SMOC2: variants seen among roughly 807,000 people sequenced by gnomAD.
The protein encoded by SMOC2 is SPARC related modular calcium binding 2, also known as SPARC-related modular calcium-binding protein 2.
A neutral mutation model predicts 61.4 loss-of-function variants in SMOC2; 39 were observed. The observed-to-expected ratio is 0.64, with a 90% CI of 0.49 to 0.83. The LOEUF (loss-of-function observed/expected upper bound fraction) is 0.83, where lower values mean the gene tolerates loss of function less well. Among genes scored for constraint, SMOC2 ranks in the 40% least tolerant of loss-of-function variants. SMOC2 has a pLI of 0.00. For synonymous variants in SMOC2, 247 were observed against 239.9 expected (o/e 1.03, Z -0.27); for missense variants, 556 against 592.9 (o/e 0.94, Z 0.65).
Position 168,510,074 on chromosome 6 carries a change from G to A in SMOC2, c.244G>A (p.Gly82Arg), listed in dbSNP as rs1442962433. The A allele has an allele frequency of 1.9e-6, 3 of 1,614,006 alleles. No homozygotes were observed. Among genetic ancestry groups the A allele is most frequent in the Non-Finnish European group, 2.5e-6 (3 of 1,179,900 alleles). The change falls in exon 2 of 13, where the codon GGA (glycine) becomes AGA (arginine). Residue 82 changes from glycine to arginine, a missense_variant. Physicochemically the swap from Gly to Arg is moderately radical, Grantham distance 125. Transcript: ENST00000356284. ...TCCCCAGCTAGAGATTGCATATCGA[G>A]GAAACTGCAAAGGTAAGCTGCTGTT... ...KDPQLEIAYR[G>R]NCKDVSRCVA...
Position 168,605,450 on chromosome 6 carries a change from T to G in SMOC2, c.825-2707T>G, listed in dbSNP as rs1178388238. On this transcript the variant is annotated intron_variant, in intron 8 of 12. Coordinates refer to ENST00000356284, the MANE Select transcript of SMOC2 (RefSeq NM_001166412.2). Reference sequence around the variant, plus strand: ...ACCTATTGAAAAGAATGGTGATGGATGACAAAGCTGAAATTAACGGACTTA... The same window carrying G: ...ACCTATTGAAAAGAATGGTGATGGAGGACAAAGCTGAAATTAACGGACTTA... 2.0e-5 allele frequency among the ~76,000 whole-genome samples: 3 copies of G among 152,194 alleles called. No homozygotes were observed. The East Asian group carries it at 5.8e-4, about 29-fold the overall frequency.
intron 1 of SMOC2, among the ~76,000 whole-genome samples, chr6:168,497,144 G>A (rs1056012352): frequency 3.3e-5 from 5 of 152,192 alleles, no homozygotes; most frequent in Non-Finnish European, 7.4e-5. Context: ...TGTGGTTAAG[G>A]GCCCTGGTTG....
intron 1 of SMOC2, among the ~76,000 whole-genome samples, chr6:168,502,810 A>G (rs1782764829): frequency 6.6e-6 from 1 of 152,070 alleles, no homozygotes; most frequent in South Asian, 2.1e-4. Context: ...TCTGTCGCCC[A>G]GGCTGGAGTG....
At chr6:168,531,171 G>A (rs1275392856) in intron 4 of SMOC2, among the ~76,000 whole-genome samples, 1 of 152,120 alleles carries the variant, frequency 6.6e-6, no homozygotes, top group African/African-American at 2.4e-5. Flanking sequence ...GGCCACACAC[G>A]CAGGGCCACG....
chr6:168,505,802 A>G lies in SMOC2; in HGVS notation c.85-4113A>G, dbSNP rs113917659. Among the ~76,000 whole-genome samples, 1,486 of 152,284 alleles carry G rather than the reference A, an allele frequency of 9.8e-3. 19 individuals are homozygous for G. Among genetic ancestry groups the G allele is most frequent in the African/African-American group, 0.035 (1,436 of 41,548 alleles). On this transcript the variant is annotated intron_variant, in intron 1 of 12. Coordinates refer to ENST00000356284, the MANE Select transcript of SMOC2 (RefSeq NM_001166412.2). Reference sequence around the variant, plus strand: ...TTAAAATGGAGAAATGATTCTTTAAACAGGCTTGAGTCTGTAGCCCCTCTC... The same window carrying G: ...TTAAAATGGAGAAATGATTCTTTAAGCAGGCTTGAGTCTGTAGCCCCTCTC...
At chr6:168,505,679 G>A (rs944008716) in intron 1 of SMOC2, among the ~76,000 whole-genome samples, 1 of 152,244 alleles carries the variant, frequency 6.6e-6, no homozygotes, top group African/African-American at 2.4e-5. Flanking sequence ...TTGTATTGCG[G>A]GCTCTGAAAC....
chr6:168,464,431 G>A (rs890307296), intron 1 of SMOC2, among the ~76,000 whole-genome samples: 1 of 152,116 alleles, frequency 6.6e-6, no homozygotes, highest in African/African-American at 2.4e-5. Flanking sequence ...AGGGCAGCCT[G>A]TCCGGTGCCA....
At chr6:168,484,204 A>G (rs1782276893) in intron 1 of SMOC2, among the ~76,000 whole-genome samples, 1 of 152,212 alleles carries the variant, frequency 6.6e-6, no homozygotes, top group Non-Finnish European at 1.5e-5. Flanking sequence ...GACAAGGGAT[A>G]AATATCCGGA....
chr6:168,616,336 C>G (rs1198387454), intron 9 of SMOC2, among the ~76,000 whole-genome samples: 1 of 152,176 alleles, frequency 6.6e-6, no homozygotes, highest in Non-Finnish European at 1.5e-5. Flanking sequence ...ACCAGCTGCT[C>G]AGGGCACAGG....
chr6:168,541,108 C>T (rs1328106489), intron 4 of SMOC2, among the ~76,000 whole-genome samples: 1 of 152,218 alleles, frequency 6.6e-6, no homozygotes. Context: ...AAACCGGAGA[C>T]GTTTCCTCAC....
chr6:168,575,112 G>A (rs542160352), intron 7 of SMOC2, among the ~76,000 whole-genome samples: 1 of 152,318 alleles, frequency 6.6e-6, no homozygotes, highest in South Asian at 2.1e-4. Flanking sequence ...AGGTTTGTGC[G>A]AAGCGCTGGG....
chr6:168,635,699 C>T (rs1177899265), intron 9 of SMOC2, among the ~76,000 whole-genome samples: 3 of 151,724 alleles, frequency 2.0e-5, no homozygotes, highest in Non-Finnish European at 2.9e-5. Flanking sequence ...AGTGAAACCC[C>T]GTCTCTACTA....
intron 4 of SMOC2, among the ~76,000 whole-genome samples, chr6:168,537,317 G>A (rs550533869): frequency 6.6e-5 from 10 of 152,280 alleles, no homozygotes; most frequent in South Asian, 4.2e-4. Flanking sequence ...AGAGAGCAGC[G>A]TCTGTCCTAA....
intron 2 of SMOC2, among the ~76,000 whole-genome samples, chr6:168,519,203 A>T (rs1052525389): frequency 8.0e-6 from 1 of 125,124 alleles, no homozygotes; most frequent in Admixed American, 8.2e-5. Context: ...ATGTGTGTGT[A>T]TGCATGCGTG....
intron 1 of SMOC2, among the ~76,000 whole-genome samples, chr6:168,448,773 A>G (rs1781394098): frequency 6.6e-6 from 1 of 152,176 alleles, no homozygotes; most frequent in Non-Finnish European, 1.5e-5. Flanking sequence ...ACTAATTAAC[A>G]TATTCGTAGC....
At chr6:168,498,569 G>A (rs1487253539) in intron 1 of SMOC2, among the ~76,000 whole-genome samples, 1 of 152,250 alleles carries the variant, frequency 6.6e-6, no homozygotes, top group African/African-American at 2.4e-5. Flanking sequence ...GGAATGGTAG[G>A]GGAGCCGCTC....
rs1377461738 is a variant in SMOC2, at chr6:168,667,005, G to A, written c.*567G>A. Reference sequence around the variant, plus strand: ...AACCACTAAAGCTATCCAGTTAAGTGCAGGTAGTTCCCCTGGAGGAAATAA... The same window carrying A: ...AACCACTAAAGCTATCCAGTTAAGTACAGGTAGTTCCCCTGGAGGAAATAA... On this transcript the variant is annotated 3_prime_UTR_variant, in exon 13 of 13. Transcript: ENST00000356284. The A allele has an allele frequency of 1.3e-5, 2 of 152,464 alleles. No individual in the cohort carries two copies. The highest frequency in any genetic ancestry group is 2.9e-5 in the Non-Finnish European group (2 of 68,236). The allele number at this position is 152,464 out of a possible 1,614,324, so 9.4% of individuals were successfully genotyped here. A position where few individuals can be genotyped will look rare whatever the true frequency, so the allele number is the denominator to read the frequency against.
At position 168,575,227 on chromosome 6, in the gene SMOC2, C is replaced by T. The variant is rs1325324722; in HGVS notation, c.638-23591C>T. On this transcript the variant is annotated intron_variant, in intron 7 of 12. Coordinates refer to ENST00000356284, the MANE Select transcript of SMOC2 (RefSeq NM_001166412.2). ...GGCTCGCTTTTGCTGCTGAACATTT[C>T]AGGCTGTTCTTCTGTGGCTTAAAAT... 3.3e-5 allele frequency among the ~76,000 whole-genome samples: 5 copies of T among 152,220 alleles called. No individual in the cohort carries two copies. In the East Asian group the frequency reaches 9.6e-4, roughly 29 times the overall value.
Position 168,501,204 on chromosome 6 carries a change from A to T in SMOC2, c.85-8711A>T, listed in dbSNP as rs77973234. Among the ~76,000 whole-genome samples, 820 of 152,350 alleles carry T rather than the reference A, an allele frequency of 5.4e-3. 9 individuals carry two copies. The highest frequency in any genetic ancestry group is 0.018 in the African/African-American group (765 of 41,582). ...ATAACAGAGCTTCTACTGAATCTCA[A>T]ATAAAACTGGATTGGAACAATGAAT... On this transcript the variant is annotated intron_variant, in intron 1 of 12. Coordinates refer to ENST00000356284, the MANE Select transcript of SMOC2 (RefSeq NM_001166412.2).
Sources: allele counts gnomAD v4.1 joint callset (sites outside exome capture counted in the v4.1 genomes callset), GRCh38; gene constraint gnomAD v4.1.1; transcripts MANE v1.5; gene names NCBI Gene and HGNC (gene_info 2026-07-23, HGNC 2026-07-21).